Variants in GRK3 observed in about 807,000 individuals in gnomAD.
GRK3 encodes the protein adrenergic, beta, receptor kinase 2.
GRK3 carries 54 observed loss-of-function variants against 95.7 expected under a neutral mutation model. The observed-to-expected ratio is 0.56, with a 90% CI of 0.45 to 0.71. The LOEUF (loss-of-function observed/expected upper bound fraction) is 0.71. Among genes scored for constraint, GRK3 ranks in the 30% least tolerant of loss-of-function variants. The pLI is 0.00. For synonymous variants in GRK3, 281 were observed against 290.8 expected (o/e 0.97, Z 0.34); for missense variants, 649 against 851.2 (o/e 0.76, Z 2.96).
At chr22:25,643,308 C>T (rs993463334) in intron 2 of GRK3, among the ~76,000 whole-genome samples, 6 of 152,174 alleles carry the variant, frequency 3.9e-5, no homozygotes, top group African/African-American at 1.4e-4. Flanking sequence ...TCTGGCTATG[C>T]CTATTTAACT....
chr22:25,630,858 G>A (rs1211115150), intron 2 of GRK3, among the ~76,000 whole-genome samples: 1 of 152,136 alleles, frequency 6.6e-6, no homozygotes, highest in Non-Finnish European at 1.5e-5. Flanking sequence ...TGGAGAACTT[G>A]GGTTTTAGAA....
At chr22:25,592,642 T>G (rs1237885871) in intron 1 of GRK3, among the ~76,000 whole-genome samples, 1 of 152,232 alleles carries the variant, frequency 6.6e-6, no homozygotes, top group Non-Finnish European at 1.5e-5. Context: ...AATTACTTTT[T>G]AGAAACAATA....
chr22:25,707,277 T>C (rs1423359281), intron 15 of GRK3, among the ~76,000 whole-genome samples: 1 of 152,254 alleles, frequency 6.6e-6, no homozygotes, highest in African/African-American at 2.4e-5. Context: ...GTAAACTTCT[T>C]ATTTAGCTTA....
intron 1 of GRK3, among the ~76,000 whole-genome samples, chr22:25,591,345 G>C (rs532407657): frequency 2.0e-5 from 3 of 152,126 alleles, no homozygotes; most frequent in African/African-American, 7.2e-5. Flanking sequence ...ATCTCATGAT[G>C]TGTTCACCTG....
chr22:25,601,212 C>T (rs1422181022), intron 1 of GRK3, among the ~76,000 whole-genome samples: 5 of 152,168 alleles, frequency 3.3e-5, no homozygotes, highest in South Asian at 2.1e-4. Flanking sequence ...ATACACATTC[C>T]CTTTAAGTGT....
intron 3 of GRK3, among the ~76,000 whole-genome samples, chr22:25,653,675 G>C (rs910613379): frequency 6.6e-6 from 1 of 152,122 alleles, no homozygotes; most frequent in Non-Finnish European, 1.5e-5. Flanking sequence ...GTAAAATGCT[G>C]CACCTAGCAA....
In GRK3 at chr22:25,573,727, C is replaced by T. The variant is rs552753794; in HGVS notation, c.113+8574C>T. On this transcript the variant is annotated intron_variant, in intron 1 of 20. Transcript: ENST00000324198. ...CAGCCTGACAAACATGGTGAAACCC[C>T]GTCTCTACTAAAAATACAAAAATTA... is the stretch of plus-strand genomic sequence containing the variant. Among the ~76,000 whole-genome samples, 29 of 151,924 alleles carry T rather than the reference C, an allele frequency of 1.9e-4. No individual in the cohort carries two copies. In the South Asian group the frequency reaches 5.0e-3, roughly 26 times the overall value.
intron 1 of GRK3, among the ~76,000 whole-genome samples, chr22:25,601,022 A>G (rs893913942): frequency 2.6e-5 from 4 of 152,230 alleles, no homozygotes; most frequent in East Asian, 3.8e-4. Context: ...AACATAAAAC[A>G]AAAACAGAAT....
intron 5 of GRK3, among the ~76,000 whole-genome samples, chr22:25,667,431 C>T (rs1293607150): frequency 6.6e-6 from 1 of 152,194 alleles, no homozygotes; most frequent in Non-Finnish European, 1.5e-5. Context: ...TTCTGAGTCA[C>T]ACTTCCATGA....
intron 1 of GRK3, among the ~76,000 whole-genome samples, chr22:25,568,213 A>G (rs142849327): frequency 9.8e-5 from 15 of 152,342 alleles, no homozygotes; most frequent in African/African-American, 3.4e-4. Flanking sequence ...TATTTAAGTA[A>G]GGTCTAATTC....
intron 3 of GRK3, chr22:25,649,344 A>G (rs186991290): frequency 1.6e-6 from 1 of 627,112 alleles, no homozygotes; most frequent in Non-Finnish European, 2.8e-6. Context: ...CACATTTTTA[A>G]TGGTAAACTG....
intron 2 of GRK3, among the ~76,000 whole-genome samples, chr22:25,621,596 A>G (rs1413876468): frequency 6.6e-6 from 1 of 152,248 alleles, no homozygotes; most frequent in South Asian, 2.1e-4. Flanking sequence ...GTAAAAACTA[A>G]TTATGAATAA....
At chr22:25,615,780 A>C (rs1048990389) in intron 2 of GRK3, among the ~76,000 whole-genome samples, 7 of 146,826 alleles carry the variant, frequency 4.8e-5, no homozygotes, top group Admixed American at 4.0e-4. Context: ...AGAGCTGCGA[A>C]GAGAGGCAGG....
chr22:25,614,339 G>A (rs1376751648), intron 2 of GRK3, among the ~76,000 whole-genome samples: 1 of 152,068 alleles, frequency 6.6e-6, no homozygotes, highest in African/African-American at 2.4e-5. Context: ...TTGCCATGTT[G>A]CCCAGGCTGA....
intron 11 of GRK3, among the ~76,000 whole-genome samples, chr22:25,689,718 G>A (rs889217172): frequency 1.3e-5 from 2 of 152,142 alleles, no homozygotes; most frequent in African/African-American, 4.8e-5. Context: ...TATTTTGATT[G>A]CTTAGGTCAG....
At chr22:25,699,973 C>G (rs552954211) in intron 13 of GRK3, among the ~76,000 whole-genome samples, 8 of 152,352 alleles carry the variant, frequency 5.3e-5, no homozygotes, top group Middle Eastern at 3.4e-3. Context: ...GCTGGGATTA[C>G]AGGCGTGAGC....
chr22:25,718,508 A>G (rs919087074), intron 19 of GRK3, 127 bp downstream of exon 19: 10 of 1,101,454 alleles, frequency 9.1e-6, no homozygotes, highest in African/African-American at 3.1e-5. Flanking sequence ...ACTGCTCTAC[A>G]TGAGATTGTA....
chr22:25,653,728 C>T (rs942115042), intron 3 of GRK3, among the ~76,000 whole-genome samples: 1 of 152,164 alleles, frequency 6.6e-6, no homozygotes, highest in Non-Finnish European at 1.5e-5. Context: ...GAATCTTGCT[C>T]TGTTGCCCAG....
intron 2 of GRK3, among the ~76,000 whole-genome samples, chr22:25,642,643 G>A (rs1351966653): frequency 6.6e-6 from 1 of 152,074 alleles, no homozygotes; most frequent in Non-Finnish European, 1.5e-5. Flanking sequence ...GGAGTTTCCA[G>A]TGTCTATTAT....
Sources: allele counts gnomAD v4.1 joint callset (sites outside exome capture counted in the v4.1 genomes callset), GRCh38; gene constraint gnomAD v4.1.1; transcripts MANE v1.5; gene names NCBI Gene and HGNC (gene_info 2026-07-23, HGNC 2026-07-21).